Variants in MAGOHB observed in about 807,000 individuals in gnomAD.
MAGOHB encodes protein mago nashi homolog 2.
In MAGOHB, 15 loss-of-function variants were observed where a neutral mutation model predicts 20.9. The ratio of observed to expected loss-of-function variants is 0.72; its 90% CI spans 0.48 to 1.11. The LOEUF (loss-of-function observed/expected upper bound fraction) is 1.11. Among genes scored for constraint, MAGOHB ranks in the 50% least tolerant of loss-of-function variants. The pLI, the probability that MAGOHB is intolerant of heterozygous loss-of-function variation, is 0.00. For missense variants in MAGOHB, 162 were observed against 177.6 expected (o/e 0.91, Z 0.50); for synonymous variants, 50 against 57.9 (o/e 0.86, Z 0.62).
intron 3 of MAGOHB, 66 bp from the exon 4 acceptor site, chr12:10,608,002 C>T: frequency 1.0e-6 from 1 of 976,844 alleles, no homozygotes; most frequent in Non-Finnish European, 1.5e-6. Context: ...TGTATTCTTG[C>T]TACAAGCAGA....
At chr12:10,608,526 T>C (rs1865668567) in intron 3 of MAGOHB, 1 of 151,080 alleles carries the variant, frequency 6.6e-6, no homozygotes, top group South Asian at 2.1e-4. Context: ...ATAATGATGG[T>C]ACTTATATTT....
chr12:10,613,351 G>A, intron 1 of MAGOHB, 88 bp downstream of exon 1: 2 of 1,138,036 alleles, frequency 1.8e-6, no homozygotes, highest in East Asian at 4.7e-5. Context: ...GGGAAGCAGT[G>A]GCCTCCGCCG....
chr12:10,600,681 A>G (rs183286737), downstream of MAGOHB, among the ~76,000 whole-genome samples: 1 of 152,298 alleles, frequency 6.6e-6, no homozygotes, highest in Non-Finnish European at 1.5e-5. Flanking sequence ...ACTTGAAAAA[A>G]TTCATTTTTG....
intron 4 of MAGOHB, 93 bp downstream of exon 4, chr12:10,607,761 C>A: frequency 2.9e-6 from 2 of 695,514 alleles, no homozygotes; most frequent in South Asian, 1.7e-5. Flanking sequence ...GATAGGATGC[C>A]ACTGAAATTA....
At chr12:10,613,211 G>A (rs528329888) in intron 1 of MAGOHB, among the ~76,000 whole-genome samples, 8 of 152,290 alleles carry the variant, frequency 5.3e-5, no homozygotes, top group African/African-American at 1.9e-4. Flanking sequence ...CACTGTTACA[G>A]AATTCTGATT....
In MAGOHB at chr12:10,607,573, T is replaced by G. The variant is rs143699987; in HGVS notation, c.347+281A>C. Among the ~76,000 whole-genome samples, 13 of 152,344 alleles carry G rather than the reference T, an allele frequency of 8.5e-5. No individual in the cohort carries two copies. The East Asian group carries it at 2.5e-3, about 29-fold the overall frequency. Reference sequence around the variant, plus strand: ...AAGGATTTCTTTCCTTTGGATTTGCTGATACTGTATCCACATTTTTATACA... The same window carrying G: ...AAGGATTTCTTTCCTTTGGATTTGCGGATACTGTATCCACATTTTTATACA... On this transcript the variant is annotated intron_variant, in intron 4 of 4. Transcript: ENST00000320756.
intron 1 of MAGOHB, chr12:10,612,940 C>T (rs371861292): frequency 2.3e-6 from 3 of 1,289,184 alleles, no homozygotes; most frequent in Non-Finnish European, 3.0e-6. Flanking sequence ...TCCTGTGGAA[C>T]TTTACCTCTC....
intron 1 of MAGOHB, among the ~76,000 whole-genome samples, chr12:10,611,784 A>ACGAAC (rs1865746876): frequency 6.6e-6 from 1 of 150,860 alleles, no homozygotes. Context: ...AAGAAAAGAA[A>ACGAAC]CGCGTCTTCG....
intron 4 of MAGOHB, 75 bp downstream of exon 4, chr12:10,607,779 T>C: frequency 1.2e-6 from 1 of 802,456 alleles, no homozygotes; most frequent in South Asian, 1.6e-5. Context: ...TTATCTTGGC[T>C]AGCAAACTGA....
chr12:10,603,313 CAAAAAA>C (rs11296285), downstream of MAGOHB, among the ~76,000 whole-genome samples: 3 of 75,138 alleles, frequency 4.0e-5, no homozygotes, highest in Non-Finnish European at 5.4e-5. Flanking sequence ...GACTCCGTCT[CAAAAAA>C]AAAAAAAAAA....
rs1266973236 is a variant in MAGOHB at position 10,604,396 on chromosome 12, T to G, written c.*1879A>C. The G allele has an allele frequency of 6.6e-6, 1 of 152,234 alleles. No individual in the cohort carries two copies. The highest frequency in any genetic ancestry group is 1.5e-5 in the Non-Finnish European group (1 of 68,040). The allele number at this position is 152,234 out of a possible 1,614,324, so 9.4% of individuals were successfully genotyped here. On this transcript the variant is annotated 3_prime_UTR_variant, in exon 5 of 5. Coordinates refer to ENST00000320756, the MANE Select transcript of MAGOHB (RefSeq NM_018048.5). ...GTAATATTTTCCTAATGACCTAGTC[T>G]CCCATCTTGGTTTAAATATGAGAAA...
At chr12:10,602,682 T>C (rs73256090), downstream of MAGOHB, among the ~76,000 whole-genome samples, 1,935 of 152,352 alleles carry the variant, frequency 0.013, 49 homozygotes, top group African/African-American at 0.044. Context: ...TATGAATATA[T>C]GAAGTATTAA....
At chr12:10,601,559 T>G (rs76165970), downstream of MAGOHB, among the ~76,000 whole-genome samples, 1,913 of 152,290 alleles carry the variant, frequency 0.013, 43 homozygotes, top group African/African-American at 0.042. Context: ...TCTCTAAGTC[T>G]TGTATTCACC....
chr12:10,612,922 T>G, intron 1 of MAGOHB: 1 of 1,289,228 alleles, frequency 7.8e-7, no homozygotes, highest in Non-Finnish European at 1.0e-6. Context: ...AAGATCTTCC[T>G]GACTCCCTCC....
chr12:10,613,094 G>T lies in MAGOHB; in HGVS notation c.94+345C>A. 5.4e-6 allele frequency: 3 copies of T among 550,988 alleles called. 1 individual carries two copies. In the South Asian group the frequency reaches 5.9e-5, roughly 11 times the overall value. The allele number at this position is 550,988 out of a possible 1,614,324, so 34.1% of individuals were successfully genotyped here. A position where few individuals can be genotyped will look rare whatever the true frequency, so the allele number is the denominator to read the frequency against. On this transcript the variant is annotated intron_variant, in intron 1 of 4. Transcript: ENST00000320756. ...CAGCCTAAATGAAAAAAAGGTACTG[G>T]TCACCACAAGATTTTATTCATCCAC...
chr12:10,608,100 A>G, intron 3 of MAGOHB, 164 bp from the exon 4 acceptor site: 1 of 516,216 alleles, frequency 1.9e-6, no homozygotes, highest in Non-Finnish European at 3.4e-6. Flanking sequence ...GATATAAACT[A>G]TATCCTTAAA....
At chr12:10,607,689 G>A (rs1865653965) in intron 4 of MAGOHB, among the ~76,000 whole-genome samples, 165 bp downstream of exon 4, 1 of 152,154 alleles carries the variant, frequency 6.6e-6, no homozygotes, top group South Asian at 2.1e-4. Flanking sequence ...AACTTCTACT[G>A]AGAGACAAGA....
chr12:10,607,817 TA>T, intron 4 of MAGOHB, 36 bp downstream of exon 4: 1 of 1,158,654 alleles, frequency 8.6e-7, no homozygotes. Flanking sequence ...GCCTCTGTAA[TA>T]ATGAAAACTT....
intron 3 of MAGOHB, chr12:10,608,378 T>G (rs1373781690): frequency 1.3e-5 from 2 of 154,510 alleles, no homozygotes; most frequent in Admixed American, 1.3e-4. Context: ...CTTTAGCACC[T>G]ACTGTATGTC....
Sources: gnomAD v4.1 joint callset for allele counts (sites outside exome capture counted in the v4.1 genomes callset) on GRCh38, gnomAD v4.1.1 for gene constraint, MANE v1.5 for transcripts, NCBI Gene and HGNC (gene_info 2026-07-23, HGNC 2026-07-21) for gene names.